Variants in MAML3 observed in about 807,000 individuals in gnomAD.
The protein encoded by MAML3 is mastermind-like protein 3.
A neutral mutation model predicts 101.9 loss-of-function variants in MAML3; 27 were observed. The observed-to-expected ratio is 0.27, with a 90% CI of 0.20 to 0.37. The LOEUF is 0.37. Among genes scored for constraint, MAML3 ranks in the 10% least tolerant of loss-of-function variants. The pLI is 1.00. For missense variants in MAML3, 1,316 were observed against 1,444.9 expected (o/e 0.91, Z 1.45); for synonymous variants, 501 against 555.9 (o/e 0.90, Z 1.39).
At chr4:140,088,709 T>A (rs77029280) in intron 1 of MAML3, among the ~76,000 whole-genome samples, 12 of 152,222 alleles carry the variant, frequency 7.9e-5, no homozygotes, top group African/African-American at 2.9e-4. Flanking sequence ...TTCACTGGTA[T>A]CTCCTTTGGT....
At position 139,890,464 on chromosome 4, in the gene MAML3, G is replaced by A; in HGVS notation, c.972C>T (p.Asp324=). ...DELANTVPED[D]IQDLFNEDFE... ...AGTCTTCGTTGAACAGGTCCTGTAT[G>A]TCATCCTCAGGAACCGTGTTGGCCA... Residue 324 remains aspartate, a synonymous_variant, in exon 2 of 5, where the codon GAC becomes GAT. Coordinates refer to ENST00000509479, the MANE Select transcript of MAML3 (RefSeq NM_018717.5). This position sits in a 1 kb window ranked among gnomAD's most constrained non-coding sequence, Gnocchi z 4.1. The A allele has an allele frequency of 6.2e-7, 1 of 1,613,816 alleles. No homozygotes were observed. Among genetic ancestry groups the A allele is most frequent in the Non-Finnish European group, 8.5e-7 (1 of 1,179,726 alleles).
chr4:140,085,400 C>T (rs1019675965), intron 1 of MAML3, among the ~76,000 whole-genome samples: 3 of 152,146 alleles, frequency 2.0e-5, no homozygotes, highest in African/African-American at 7.2e-5. Flanking sequence ...CCTCATAAAA[C>T]CCGAGGAGGG....
intron 2 of MAML3, among the ~76,000 whole-genome samples, chr4:139,800,930 G>C (rs1390113845): frequency 1.3e-5 from 2 of 152,232 alleles, no homozygotes. Context: ...AATCCTGGCA[G>C]AGAGAACATA....
At chr4:140,090,685 A>G (rs890979405) in intron 1 of MAML3, among the ~76,000 whole-genome samples, 1 of 152,236 alleles carries the variant, frequency 6.6e-6, no homozygotes, top group African/African-American at 2.4e-5. Flanking sequence ...TGAAAGAATA[A>G]CTTATTCATC....
At chr4:140,070,320 C>A (rs1320624595) in intron 1 of MAML3, among the ~76,000 whole-genome samples, 1 of 152,138 alleles carries the variant, frequency 6.6e-6, no homozygotes, top group East Asian at 1.9e-4. Context: ...AAAATCTCTT[C>A]ATATTTTAGC....
chr4:139,810,287 G>A (rs1210263365), intron 2 of MAML3, among the ~76,000 whole-genome samples: 1 of 150,590 alleles, frequency 6.6e-6, no homozygotes, highest in Non-Finnish European at 1.5e-5. Context: ...CAAACTCCTG[G>A]GCTCAAGTGA....
chr4:140,052,713 T>G (rs1239976525), intron 1 of MAML3, among the ~76,000 whole-genome samples: 1 of 152,034 alleles, frequency 6.6e-6, no homozygotes, highest in African/African-American at 2.4e-5. Flanking sequence ...TTTTGTATTT[T>G]TAGTAGAGAC....
At chr4:140,025,162 G>C (rs368405288) in intron 1 of MAML3, among the ~76,000 whole-genome samples, 2 of 152,172 alleles carry the variant, frequency 1.3e-5, no homozygotes, top group East Asian at 3.8e-4. Flanking sequence ...CTTGGAAAAG[G>C]CTGTTTTGGG....
intron 1 of MAML3, among the ~76,000 whole-genome samples, chr4:140,149,939 C>CTTTTTTTTTTTTTTT (rs3051828): frequency 7.7e-6 from 1 of 129,888 alleles, no homozygotes. Context: ...ATGTTTCTTT[C>CTTTTTTTTTTTTTTT]TTTTTTTTTT....
chr4:139,983,921 T>C (rs978075831), intron 1 of MAML3, among the ~76,000 whole-genome samples: 1 of 152,202 alleles, frequency 6.6e-6, no homozygotes, highest in African/African-American at 2.4e-5. Context: ...CACACAGTAG[T>C]TGGGTAAATG....
chr4:139,926,223 G>A (rs1315348235), intron 1 of MAML3, among the ~76,000 whole-genome samples: 4 of 152,182 alleles, frequency 2.6e-5, no homozygotes, highest in African/African-American at 9.7e-5. Context: ...ATGGAAAGAA[G>A]TCATGTATAG....
chr4:139,741,324 C>T, intron 2 of MAML3, among the ~76,000 whole-genome samples: 1 of 152,182 alleles, frequency 6.6e-6, no homozygotes, highest in East Asian at 1.9e-4. Context: ...CATAAGACCA[C>T]CTGACCCTGG....
intron 1 of MAML3, among the ~76,000 whole-genome samples, chr4:139,902,257 ACACACGCACACACACACG>A (rs1366194905): frequency 1.9e-5 from 1 of 51,736 alleles, no homozygotes; most frequent in Non-Finnish European, 7.0e-5. Context: ...GCACACGCAC[ACACACGCACACACACACG>A]CACACACACA....
rs367727388 is a variant in MAML3 at position 139,719,674 on chromosome 4, G to A, written c.3066C>T (p.Asn1022=). 6.2e-7 allele frequency: 1 copy of A among 1,613,376 alleles called. No individual in the cohort carries two copies. The highest frequency in any genetic ancestry group is 8.5e-7 in the Non-Finnish European group (1 of 1,179,700). ...DANTGTVRTL[N]PAAMGRQMMP... ...TCATCTGCCGACCCATGGCAGCTGG[G>A]TTGAGGGTCCTCACTGTGCCCGTGT... Residue 1022 remains asparagine, a synonymous_variant, in exon 5 of 5, where the codon AAC becomes AAT. Coordinates refer to ENST00000509479, the MANE Select transcript of MAML3 (RefSeq NM_018717.5).
chr4:140,150,070 A>G (rs1729132825), intron 1 of MAML3, among the ~76,000 whole-genome samples: 2 of 152,028 alleles, frequency 1.3e-5, no homozygotes, highest in Admixed American at 1.3e-4. Flanking sequence ...AAGCTAAAAT[A>G]CACTCCTATT....
intron 1 of MAML3, among the ~76,000 whole-genome samples, chr4:139,907,557 A>G (rs961102592): frequency 4.6e-5 from 7 of 152,260 alleles, no homozygotes; most frequent in African/African-American, 1.7e-4. Context: ...TAAAAATGCC[A>G]GAAAACCAAG....
chr4:140,020,476 G>T (rs1458525387), intron 1 of MAML3, among the ~76,000 whole-genome samples: 1 of 151,888 alleles, frequency 6.6e-6, no homozygotes, highest in Non-Finnish European at 1.5e-5. Flanking sequence ...AGGCTATAAA[G>T]CACATATTTC....
chr4:140,031,090 C>T lies in MAML3; in HGVS notation c.468+121770G>A, dbSNP rs530533826. ...TGGCCACAGTCACACCCCTGTCCTCCGATATTGCCACGAGTTATGATTACT... is the reference window on the plus strand; with the variant it reads ...TGGCCACAGTCACACCCCTGTCCTCTGATATTGCCACGAGTTATGATTACT... On this transcript the variant is annotated intron_variant, in intron 1 of 4. Transcript: ENST00000509479. 1.1e-4 allele frequency among the ~76,000 whole-genome samples: 17 copies of T among 152,166 alleles called. No homozygotes were observed. The East Asian group carries it at 2.7e-3, about 24-fold the overall frequency.
chr4:139,726,916 T>G (rs1728495280), intron 3 of MAML3, among the ~76,000 whole-genome samples: 2 of 152,236 alleles, frequency 1.3e-5, no homozygotes, highest in South Asian at 4.1e-4. Flanking sequence ...GTTCTAGGTC[T>G]GCCGTCAAGT....
Sources: allele counts gnomAD v4.1 joint callset (sites outside exome capture counted in the v4.1 genomes callset), GRCh38; gene constraint gnomAD v4.1.1; non-coding constraint Gnocchi (gnomAD v3.1); transcripts MANE v1.5; gene names NCBI Gene and HGNC (gene_info 2026-07-23, HGNC 2026-07-21).